MAPK10: variants seen among roughly 807,000 people sequenced by gnomAD.
The protein encoded by MAPK10 is mitogen-activated protein kinase 10, also known as JNK3 alpha protein kinase.
MAPK10 carries 25 observed loss-of-function variants against 59.3 expected under a neutral mutation model. That is an observed-to-expected ratio of 0.42 (90% CI 0.31 to 0.59). MAPK10 has a LOEUF of 0.59. MAPK10 is among the 20% of genes least tolerant of loss of function. The pLI is 0.15. For missense variants in MAPK10, 351 were observed against 568.9 expected (o/e 0.62, Z 3.90); for synonymous variants, 190 against 200.5 (o/e 0.95, Z 0.44).
At chr4:86,376,945 C>T (rs1365836257) in intron 1 of MAPK10, among the ~76,000 whole-genome samples, 2 of 152,160 alleles carry the variant, frequency 1.3e-5, no homozygotes, top group Non-Finnish European at 2.9e-5. Context: ...CCCTCCTGGC[C>T]CTTGTTGGGC....
At chr4:86,139,107 C>T (rs1366584262) in intron 4 of MAPK10, among the ~76,000 whole-genome samples, 1 of 141,528 alleles carries the variant, frequency 7.1e-6, no homozygotes, top group African/African-American at 2.6e-5. Flanking sequence ...GCCATACTGC[C>T]CAAGGTAATT....
At chr4:86,092,898 C>T (rs1487322292) in intron 9 of MAPK10, among the ~76,000 whole-genome samples, 1 of 151,978 alleles carries the variant, frequency 6.6e-6, no homozygotes, top group African/African-American at 2.4e-5. Flanking sequence ...TTCCCATAGG[C>T]AGAAGGCAGA....
intron 4 of MAPK10, among the ~76,000 whole-genome samples, chr4:86,138,794 C>T (rs2062865575): frequency 6.6e-6 from 1 of 152,086 alleles, no homozygotes; most frequent in Non-Finnish European, 1.5e-5. Flanking sequence ...ACCCCATTGT[C>T]TTAGCCCAGA....
In MAPK10 at chr4:86,491,431, C is replaced by CA. The variant is rs539092073; in HGVS notation, c.-263+102478_-263+102479insT. ...TGGAGCTTTGTTATACCCTCATGAC[C>CA]CCAACCCCAGTTCTGAAGATTGTGA... On this transcript the variant is annotated intron_variant, in intron 1 of 4. Transcript: ENST00000502302. 7.2e-5 allele frequency among the ~76,000 whole-genome samples: 11 copies of CA among 152,250 alleles called. 1 individual carries two copies. The South Asian group carries it at 2.3e-3, about 32-fold the overall frequency.
chr4:86,171,689 A>G (rs1195846830), intron 3 of MAPK10, among the ~76,000 whole-genome samples: 1 of 152,154 alleles, frequency 6.6e-6, no homozygotes, highest in Admixed American at 6.5e-5. Context: ...TGCCTAAAAC[A>G]CCAAAAGCAA....
Position 86,137,718 on chromosome 4 carries a change from A to T in MAPK10, c.236+21580T>A, listed in dbSNP as rs1444302045. ...ACTGAAGGAAATAGAGACACAAAAA[A>T]CCCTTCAAAAAATTAATGAATCCAG... On this transcript the variant is annotated intron_variant, in intron 4 of 13. Coordinates refer to ENST00000641462, the MANE Select transcript of MAPK10 (RefSeq NM_138982.4). Among the ~76,000 whole-genome samples, 33 of 130,722 alleles carry T rather than the reference A, an allele frequency of 2.5e-4. 1 individual carries two copies. The South Asian group carries it at 8.1e-3, about 32-fold the overall frequency. The allele number at this position is 130,722 out of a possible 152,430, so 85.8% of individuals were successfully genotyped here. A position where few individuals can be genotyped will look rare whatever the true frequency, so the allele number is the denominator to read the frequency against.
chr4:86,588,028 T>C (rs1160233549), intron 1 of MAPK10, among the ~76,000 whole-genome samples: 1 of 152,104 alleles, frequency 6.6e-6, no homozygotes, highest in Non-Finnish European at 1.5e-5. Flanking sequence ...ACCCATCTTT[T>C]AAAAGGAGAA....
At chr4:86,164,122 A>G (rs2070780630) in intron 3 of MAPK10, among the ~76,000 whole-genome samples, 1 of 152,136 alleles carries the variant, frequency 6.6e-6, no homozygotes, top group Admixed American at 6.6e-5. Context: ...CTTTTGAATG[A>G]TATAGCTGAA....
At chr4:86,369,771 A>G (rs2869438) in intron 1 of MAPK10, among the ~76,000 whole-genome samples, 106,552 of 152,098 alleles carry the variant, frequency 0.7, 38,812 homozygotes, top group South Asian at 0.9. Flanking sequence ...TATGCTTTAT[A>G]TGAGTGCAAG....
rs149234254 is a variant in MAPK10, at chr4:86,480,451, C to T, written c.-263+113459G>A. Among the ~76,000 whole-genome samples, 1,118 of 152,220 alleles carry T rather than the reference C, an allele frequency of 7.3e-3. 18 individuals carry two copies. The highest frequency in any genetic ancestry group is 0.025 in the African/African-American group (1,032 of 41,520). ...CTTTTCAGACTCAGCCCACCTGCAC[C>T]CAGGTGATTAAAAAGCTTTATTGCT... On this transcript the variant is annotated intron_variant, in intron 1 of 4. Coordinates refer to the MAPK10 transcript ENST00000502302.
intron 13 of MAPK10, 24 bp downstream of exon 13, chr4:86,029,173 T>C (rs374414729): frequency 3.3e-6 from 5 of 1,511,052 alleles, no homozygotes; most frequent in Non-Finnish European, 4.6e-6. Flanking sequence ...ACTAGTTTAT[T>C]GGTTATTCAC....
At chr4:86,531,361 T>C (rs1337396288) in intron 1 of MAPK10, among the ~76,000 whole-genome samples, 1 of 152,178 alleles carries the variant, frequency 6.6e-6, no homozygotes, top group African/African-American at 2.4e-5. Flanking sequence ...TCAGATGAAT[T>C]AGTAAGGAAA....
intron 1 of MAPK10, among the ~76,000 whole-genome samples, chr4:86,437,093 A>G (rs1328804230): frequency 6.6e-6 from 1 of 151,914 alleles, no homozygotes; most frequent in East Asian, 1.9e-4. Context: ...AGGCACCTGT[A>G]GTCCCAGCTA....
chr4:86,073,860 T>C (rs1170766312), intron 9 of MAPK10, among the ~76,000 whole-genome samples: 163 of 111,776 alleles, frequency 1.5e-3, no homozygotes, highest in African/African-American at 6.0e-3. Flanking sequence ...CTGAAAAAAA[T>C]GTATATTCTG....
chr4:86,103,677 T>C (rs2055994249), intron 5 of MAPK10, among the ~76,000 whole-genome samples: 1 of 152,102 alleles, frequency 6.6e-6, no homozygotes, highest in African/African-American at 2.4e-5. Flanking sequence ...ATGATTTTTT[T>C]GTGTTGTTAC....
intron 2 of MAPK10, among the ~76,000 whole-genome samples, chr4:86,350,053 T>C (rs1730378707): frequency 6.6e-6 from 1 of 152,038 alleles, no homozygotes. Context: ...ACATATCATT[T>C]TTTGTTTTGT....
In MAPK10 at chr4:86,050,930, G is replaced by T. The variant is rs3822036; in HGVS notation, c.1110+13336C>A. Among the ~76,000 whole-genome samples, 8 of 152,098 alleles carry T rather than the reference G, an allele frequency of 5.3e-5. 1 individual carries two copies. The highest frequency in any genetic ancestry group is 5.2e-4 in the Admixed American group (8 of 15,252). On this transcript the variant is annotated intron_variant, in intron 11 of 13. Transcript: ENST00000641462. Reference sequence around the variant, plus strand: ...AAATTTTCAGAAAAAGTGCTTGAGGGTTAGCTAATTTATCTCTCACTTTTT... The same window carrying T: ...AAATTTTCAGAAAAAGTGCTTGAGGTTTAGCTAATTTATCTCTCACTTTTT...
intron 1 of MAPK10, among the ~76,000 whole-genome samples, chr4:86,563,653 T>A (rs1033750150): frequency 6.6e-6 from 1 of 152,102 alleles, no homozygotes; most frequent in Non-Finnish European, 1.5e-5. Context: ...TACTGAATCA[T>A]ATATATAGTA....
intron 4 of MAPK10, among the ~76,000 whole-genome samples, chr4:86,143,239 A>G (rs950038697): frequency 4.6e-5 from 7 of 152,182 alleles, no homozygotes; most frequent in African/African-American, 1.7e-4. Context: ...CCATGATCCA[A>G]TGACCTCCAT....
Sources: allele counts gnomAD v4.1 joint callset (sites outside exome capture counted in the v4.1 genomes callset), GRCh38; gene constraint gnomAD v4.1.1; transcripts MANE v1.5; gene names NCBI Gene and HGNC (gene_info 2026-07-23, HGNC 2026-07-21).